The following ANKS1B variants were observed in gnomAD, a reference collection of about 807,000 sequenced individuals.
The protein encoded by ANKS1B is ankyrin repeat and sterile alpha motif domain containing 1B.
Under a neutral mutation model 148.3 loss-of-function variants are expected in ANKS1B, and 36 were observed. The ratio of observed to expected loss-of-function variants is 0.24; its 90% CI spans 0.19 to 0.32. The LOEUF (loss-of-function observed/expected upper bound fraction) is 0.32. Among genes scored for constraint, ANKS1B ranks in the 10% least tolerant of loss-of-function variants. The pLI is 1.00. For missense variants in ANKS1B, 1,157 were observed against 1,542.6 expected (o/e 0.75, Z 4.19); for synonymous variants, 542 against 560.8 (o/e 0.97, Z 0.47).
rs116347693 is a variant in ANKS1B, at chr12:99,967,397, A to T, written c.134+16707T>A. Among the ~76,000 whole-genome samples the T allele has an allele frequency of 2.7e-3, 406 of 152,250 alleles. 1 individual carries two copies. The highest frequency in any genetic ancestry group is 9.4e-3 in the African/African-American group (390 of 41,568). On this transcript the variant is annotated intron_variant, in intron 1 of 26. Coordinates refer to ENST00000683438, the MANE Select transcript of ANKS1B (RefSeq NM_001352186.2). Reference sequence around the variant, plus strand: ...AGTTGCAGAGTCTGCATTCAAACTCAAGACTCGGAATTTTTCCATTACGGT... The same window carrying T: ...AGTTGCAGAGTCTGCATTCAAACTCTAGACTCGGAATTTTTCCATTACGGT...
chr12:99,525,547 T>G (rs550548875), intron 9 of ANKS1B, among the ~76,000 whole-genome samples: 1 of 152,266 alleles, frequency 6.6e-6, no homozygotes, highest in South Asian at 2.1e-4. Context: ...TAAAAGAAGG[T>G]TCTGATGCTT....
At chr12:99,482,394 C>G (rs367808772) in intron 10 of ANKS1B, among the ~76,000 whole-genome samples, 1 of 151,734 alleles carries the variant, frequency 6.6e-6, no homozygotes, top group African/African-American at 2.4e-5. Flanking sequence ...TATGTGCCTA[C>G]TTTTATACCA....
At chr12:99,666,859 T>C (rs557028060) in intron 8 of ANKS1B, among the ~76,000 whole-genome samples, 3 of 86,744 alleles carry the variant, frequency 3.5e-5, no homozygotes, top group African/African-American at 1.7e-4. Flanking sequence ...TACTATGGGG[T>C]GTGTGTGTGT....
chr12:98,963,145 A>G (rs1034266630), intron 17 of ANKS1B, among the ~76,000 whole-genome samples: 1 of 152,122 alleles, frequency 6.6e-6, no homozygotes, highest in Admixed American at 6.5e-5. Flanking sequence ...AAGATCAATG[A>G]AACAAAAAGT....
intron 16 of ANKS1B, 125 bp downstream of exon 16, chr12:99,084,800 G>A: frequency 1.5e-6 from 1 of 679,996 alleles, no homozygotes; most frequent in Non-Finnish European, 2.5e-6. Context: ...GACCTAAGAA[G>A]ATCTGCTCTT....
At chr12:99,290,321 C>A (rs1174002745) in intron 12 of ANKS1B, among the ~76,000 whole-genome samples, 2 of 148,854 alleles carry the variant, frequency 1.3e-5, no homozygotes, top group Non-Finnish European at 3.0e-5. Flanking sequence ...CTGATGGCTT[C>A]ACTGCTAAAT....
Position 99,494,090 on chromosome 12 carries a change from G to A in ANKS1B, c.1438+10386C>T, listed in dbSNP as rs924014673. Among the ~76,000 whole-genome samples, 149 of 152,278 alleles carry A rather than the reference G, an allele frequency of 9.8e-4. 1 individual carries two copies. Among genetic ancestry groups the A allele is most frequent in the Non-Finnish European group, 7.4e-5 (5 of 68,018 alleles). Reference sequence around the variant, plus strand: ...AATAAGATGAAAATCTACCTTAGACGACAAAGGGAAGAAAGGGTCTCCAGA... The same window carrying A: ...AATAAGATGAAAATCTACCTTAGACAACAAAGGGAAGAAAGGGTCTCCAGA... On this transcript the variant is annotated intron_variant, in intron 10 of 26. Transcript: ENST00000683438.
chr12:99,661,493 T>C (rs775794574), intron 8 of ANKS1B, among the ~76,000 whole-genome samples: 18 of 152,208 alleles, frequency 1.2e-4, no homozygotes, highest in Admixed American at 3.3e-4. Flanking sequence ...ATCTTGTTAT[T>C]GGACCATGAG....
At chr12:99,848,690 T>TA (rs1389523028) in intron 1 of ANKS1B, among the ~76,000 whole-genome samples, 7 of 151,820 alleles carry the variant, frequency 4.6e-5, no homozygotes, top group Admixed American at 2.6e-4. Context: ...GAGCCATATA[T>TA]AAAAATAAAT....
intron 8 of ANKS1B, among the ~76,000 whole-genome samples, chr12:99,724,114 A>G (rs1267257323): frequency 1.3e-5 from 2 of 152,142 alleles, no homozygotes; most frequent in Non-Finnish European, 2.9e-5. Context: ...AATGATTGCA[A>G]TGCCGCTCCA....
intron 9 of ANKS1B, among the ~76,000 whole-genome samples, chr12:99,598,826 CA>C (rs1252960417): frequency 6.6e-6 from 1 of 151,984 alleles, no homozygotes; most frequent in Middle Eastern, 3.2e-3. Flanking sequence ...AACAAAATAC[CA>C]TAAACTTGTT....
rs1046591867 is a variant in ANKS1B at position 99,438,741 on chromosome 12, G to A, written c.1575+4932C>T. On this transcript the variant is annotated intron_variant, in intron 11 of 26. Transcript: ENST00000683438. ...CATATCAACAGAACCAAGAGTACAC[G>A]CAATAAACTGATAGCCTACATTGTA... Among the ~76,000 whole-genome samples the A allele has an allele frequency of 5.3e-5, 8 of 151,896 alleles. No individual in the cohort carries two copies. In the East Asian group the frequency reaches 9.7e-4, roughly 18 times the overall value.
At chr12:98,757,879 T>C (rs561441571) in intron 25 of ANKS1B, among the ~76,000 whole-genome samples, 7 of 152,248 alleles carry the variant, frequency 4.6e-5, no homozygotes, top group African/African-American at 1.7e-4. Context: ...GTCTGGAGTA[T>C]TGTCTACCTT....
At chr12:99,446,557 G>A (rs544251155) in intron 10 of ANKS1B, among the ~76,000 whole-genome samples, 2 of 152,132 alleles carry the variant, frequency 1.3e-5, no homozygotes, top group African/African-American at 2.4e-5. Context: ...GTTACTGGCA[G>A]AAAAGGATTC....
At chr12:99,385,886 G>A (rs941667020) in intron 12 of ANKS1B, among the ~76,000 whole-genome samples, 2 of 152,152 alleles carry the variant, frequency 1.3e-5, no homozygotes, top group East Asian at 3.8e-4. Context: ...CGTAACATGT[G>A]ATCTAAATTG....
At chr12:99,970,062 A>G (rs1383740943) in intron 1 of ANKS1B, among the ~76,000 whole-genome samples, 1 of 152,262 alleles carries the variant, frequency 6.6e-6, no homozygotes, top group Non-Finnish European at 1.5e-5. Flanking sequence ...TCTATCATTA[A>G]GAAAATATTA....
chr12:99,533,242 C>T (rs989149111), intron 9 of ANKS1B, among the ~76,000 whole-genome samples: 1 of 152,160 alleles, frequency 6.6e-6, no homozygotes, highest in Admixed American at 6.6e-5. Flanking sequence ...AGACCTTTCA[C>T]ATCCTTGGTT....
chr12:99,809,613 C>T (rs2068078611), intron 3 of ANKS1B, among the ~76,000 whole-genome samples: 1 of 151,994 alleles, frequency 6.6e-6, no homozygotes, highest in Non-Finnish European at 1.5e-5. Context: ...TTCATCTCTC[C>T]AAACCTATCT....
rs141918745 is a variant in ANKS1B, at chr12:99,128,964, C to A, written c.2526+25325G>T. ...TGATTGTGAGTAGAATGGCCTATGT[C>A]TAATTCTACATGCAGGAGGATGGAG... On this transcript the variant is annotated intron_variant, in intron 15 of 26. Coordinates refer to ENST00000683438, the MANE Select transcript of ANKS1B (RefSeq NM_001352186.2). Among the ~76,000 whole-genome samples the A allele has an allele frequency of 2.0e-3, 299 of 152,256 alleles. 1 individual carries two copies. Among genetic ancestry groups the A allele is most frequent in the Non-Finnish European group, 3.3e-3 (226 of 68,028 alleles).
Sources: gnomAD v4.1 joint callset for allele counts (sites outside exome capture counted in the v4.1 genomes callset) on GRCh38, gnomAD v4.1.1 for gene constraint, MANE v1.5 for transcripts, NCBI Gene and HGNC (gene_info 2026-07-23, HGNC 2026-07-21) for gene names.